LRP1B: variants seen among roughly 807,000 people sequenced by gnomAD.
LRP1B encodes the protein low-density lipoprotein receptor-related protein 1B.
LRP1B carries 217 observed loss-of-function variants against 556.6 expected under a neutral mutation model. That is an observed-to-expected ratio of 0.39 (90% CI 0.35 to 0.44). The LOEUF is 0.44. LRP1B is among the 20% of genes least tolerant of loss of function. LRP1B has a pLI of 1.00. For missense variants in LRP1B, 5,053 were observed against 5,620.8 expected (o/e 0.90, Z 3.23); for synonymous variants, 2,047 against 1,865.8 (o/e 1.10, Z -2.50).
chr2:140,381,152 G>T (rs1683465417), intron 67 of LRP1B, among the ~76,000 whole-genome samples: 1 of 151,650 alleles, frequency 6.6e-6, no homozygotes, highest in Non-Finnish European at 1.5e-5. Flanking sequence ...TCTCTCTTCA[G>T]GAAAATGTAA....
intron 22 of LRP1B, among the ~76,000 whole-genome samples, chr2:140,906,060 A>G (rs1694245311): frequency 6.6e-6 from 1 of 152,118 alleles, no homozygotes; most frequent in African/African-American, 2.4e-5. Flanking sequence ...TCCTTTGGCC[A>G]GTATTTGCTT....
At chr2:140,730,262 G>GT (rs1357928525) in intron 35 of LRP1B, among the ~76,000 whole-genome samples, 1 of 152,082 alleles carries the variant, frequency 6.6e-6, no homozygotes, top group Non-Finnish European at 1.5e-5. Context: ...TAATATAGCT[G>GT]TAAGATGCAA....
At chr2:141,294,601 G>T (rs2105416575) in intron 3 of LRP1B, among the ~76,000 whole-genome samples, 1 of 151,766 alleles carries the variant, frequency 6.6e-6, no homozygotes, top group South Asian at 2.1e-4. Flanking sequence ...TTAGCTGGAT[G>T]CCATGGCATG....
chr2:141,327,126 G>A (rs1036733744), intron 3 of LRP1B, among the ~76,000 whole-genome samples: 1 of 152,140 alleles, frequency 6.6e-6, no homozygotes, highest in African/African-American at 2.4e-5. Flanking sequence ...TCTGGATCCA[G>A]TAACTGGAAT....
chr2:141,367,047 A>G (rs1404318328), intron 3 of LRP1B, among the ~76,000 whole-genome samples: 1 of 152,216 alleles, frequency 6.6e-6, no homozygotes, highest in African/African-American at 2.4e-5. Context: ...GAACCTTCAT[A>G]AAATGTCCAG....
chr2:140,901,150 G>T (rs534919269), intron 23 of LRP1B, among the ~76,000 whole-genome samples: 87 of 151,946 alleles, frequency 5.7e-4, no homozygotes, highest in Admixed American at 1.1e-3. Flanking sequence ...GGCTCCAGGT[G>T]GGGGAGGGCT....
At chr2:141,998,407 T>G (rs577311506) in intron 1 of LRP1B, among the ~76,000 whole-genome samples, 1 of 152,236 alleles carries the variant, frequency 6.6e-6, no homozygotes, top group Non-Finnish European at 1.5e-5. Context: ...GATACCGTAC[T>G]TCTAATGTTA....
At chr2:140,976,945 T>C (rs1431265774) in intron 18 of LRP1B, among the ~76,000 whole-genome samples, 1 of 152,210 alleles carries the variant, frequency 6.6e-6, no homozygotes, top group Non-Finnish European at 1.5e-5. Context: ...ATGAGATACT[T>C]GGAAGACAGA....
At position 141,610,320 on chromosome 2, in the gene LRP1B, T is replaced by TATAATAATA. The variant is rs200146418; in HGVS notation, c.206-129796_206-129788dup. ...TATTATTATACTTTAAAACTTAAAG[T>TATAATAATA]ATAATAATAATAATAATAATAATAA... On this transcript the variant is annotated intron_variant, in intron 2 of 90. Transcript: ENST00000389484. Among the ~76,000 whole-genome samples, 105 of 144,682 alleles carry TATAATAATA rather than the reference T, an allele frequency of 7.3e-4. 1 individual carries two copies. Among genetic ancestry groups the TATAATAATA allele is most frequent in the African/African-American group, 2.6e-3 (104 of 40,114 alleles). 94.9% of individuals were successfully genotyped at this position (144,682 alleles called of 152,430 possible).
intron 41 of LRP1B, among the ~76,000 whole-genome samples, chr2:140,609,588 G>A (rs2105221071): frequency 6.6e-6 from 1 of 152,218 alleles, no homozygotes; most frequent in Admixed American, 6.5e-5. Context: ...TTCTCCTAAT[G>A]ATCTGTGAAT....
chr2:140,580,685 TGAAAAA>T (rs1681726507), intron 43 of LRP1B, among the ~76,000 whole-genome samples: 2 of 151,644 alleles, frequency 1.3e-5, no homozygotes, highest in Admixed American at 1.3e-4. Context: ...GTCAAAAAAA[TGAAAAA>T]GAAAAACTAC....
chr2:140,266,900 T>C (rs114028075), intron 86 of LRP1B, among the ~76,000 whole-genome samples: 2,023 of 152,116 alleles, frequency 0.013, 45 homozygotes, highest in African/African-American at 0.047. Flanking sequence ...GAATTTTAAG[T>C]TCCTCTAAAG....
intron 83 of LRP1B, 54 bp downstream of exon 83, chr2:140,314,881 A>T (rs1684453928): frequency 7.4e-7 from 1 of 1,353,466 alleles, no homozygotes; most frequent in Non-Finnish European, 1.0e-6. Flanking sequence ...TTTTCGATTC[A>T]TATATAAGGA....
In LRP1B at chr2:140,902,917, T is replaced by C; in HGVS notation, c.3766+3A>G. 1.9e-6 allele frequency: 3 copies of C among 1,612,530 alleles called. No individual in the cohort carries two copies. In the Admixed American group the frequency reaches 5.0e-5, roughly 27 times the overall value. On this transcript the variant is annotated splice_donor_region_variant and intron_variant, in intron 23 of 90. Transcript: ENST00000389484. Reference sequence around the variant, plus strand: ...TAGCAACACACACAAAATAGTTACTTACCAACACTTGTACAACTTTCACCG... The same window carrying C: ...TAGCAACACACACAAAATAGTTACTCACCAACACTTGTACAACTTTCACCG...
intron 7 of LRP1B, among the ~76,000 whole-genome samples, chr2:141,150,190 G>A (rs760417039): frequency 1.3e-5 from 2 of 152,122 alleles, no homozygotes; most frequent in African/African-American, 2.4e-5. Flanking sequence ...ACACCAATAC[G>A]TGGATGAGAA....
In LRP1B at chr2:141,058,983, G is replaced by T. The variant is rs147371945; in HGVS notation, c.1308C>A (p.Ile436=). Residue 436 remains isoleucine, a synonymous_variant, in exon 9 of 91, where the codon ATC becomes ATA. Transcript: ENST00000389484. ...TCCCATTAAATCGGTTTATCCTTAC[G>T]ATATTGTAGTTATCAGAATTGGTTG... ...LYATNSDNYN[I]VRINRFNGTD... is the part of the protein sequence containing the mutation. 1.1e-4 allele frequency: 181 copies of T among 1,593,602 alleles called. No individual in the cohort carries two copies. The highest frequency in any genetic ancestry group is 1.5e-4 in the Non-Finnish European group (171 of 1,168,696).
intron 1 of LRP1B, among the ~76,000 whole-genome samples, chr2:141,868,447 C>T (rs923420170): frequency 6.6e-6 from 1 of 152,136 alleles, no homozygotes; most frequent in Non-Finnish European, 1.5e-5. Context: ...TTTTGTTGCA[C>T]CTCAGTTCCA....
In LRP1B at chr2:140,851,660, G is replaced by A. The variant is rs559063538; in HGVS notation, c.4703C>T (p.Thr1568Ile). The A allele has an allele frequency of 1.2e-6, 2 of 1,608,376 alleles. No individual in the cohort carries two copies. The highest frequency in any genetic ancestry group is 1.3e-5 in the African/African-American group (1 of 74,688). Residue 1568 changes from threonine (T) to isoleucine (I), a missense_variant, in exon 28 of 91, where the codon ACC (threonine) becomes ATC (isoleucine). Thr to Ile is a moderately conservative substitution (Grantham distance 89). Coordinates refer to ENST00000389484, the MANE Select transcript of LRP1B (RefSeq NM_018557.3). Reference sequence around the variant, plus strand: ...AACTGTAAGAAATTTACCATAGCAGGTCTTCTTGTCTGAAGAAAGCTTCAT... The same window carrying A: ...AACTGTAAGAAATTTACCATAGCAGATCTTCTTGTCTGAAGAAAGCTTCAT... ...HLMKLSSDKK[T>I]CYEMKKFLLY... is the part of the protein sequence containing the mutation.
Position 141,091,447 on chromosome 2 carries a change from G to A in LRP1B, c.1014-29174C>T, listed in dbSNP as rs555722501. On this transcript the variant is annotated intron_variant, in intron 7 of 90. Transcript: ENST00000389484. ...ACAAAAAACATTGCTTCCCGGCTGG[G>A]GCCACTGACTGTGTGGAGTTTTCAC... 1.1e-4 allele frequency among the ~76,000 whole-genome samples: 16 copies of A among 152,268 alleles called. No homozygotes were observed. The South Asian group carries it at 1.5e-3, about 14-fold the overall frequency.
Sources: gnomAD v4.1 joint callset for allele counts (sites outside exome capture counted in the v4.1 genomes callset) on GRCh38, gnomAD v4.1.1 for gene constraint, MANE v1.5 for transcripts, NCBI Gene and HGNC (gene_info 2026-07-23, HGNC 2026-07-21) for gene names.